Variants in PTPRT observed in about 807,000 individuals in gnomAD.
The protein encoded by PTPRT is receptor-type tyrosine-protein phosphatase T.
A neutral mutation model predicts 176.8 loss-of-function variants in PTPRT; 56 were observed. The ratio of observed to expected loss-of-function variants is 0.32; its 90% CI spans 0.26 to 0.40. The LOEUF is 0.40. Among genes scored for constraint, PTPRT ranks in the 10% least tolerant of loss-of-function variants. PTPRT has a pLI of 1.00. For synonymous variants in PTPRT, 783 were observed against 739.0 expected (o/e 1.06, Z -0.96); for missense variants, 1,540 against 1,908.2 (o/e 0.81, Z 3.60).
intron 19 of PTPRT, among the ~76,000 whole-genome samples, chr20:42,125,901 T>C (rs1987830440): frequency 6.6e-6 from 1 of 152,000 alleles, no homozygotes; most frequent in South Asian, 2.1e-4. Context: ...CCTGTGGTCC[T>C]TAGGGTCATA....
intron 11 of PTPRT, among the ~76,000 whole-genome samples, chr20:42,327,079 G>A (rs1443227291): frequency 8.8e-6 from 1 of 113,774 alleles, no homozygotes; most frequent in Non-Finnish European, 1.7e-5. Flanking sequence ...GACTAGGTAG[G>A]GGTGTGTGTG....
At chr20:42,531,857 C>T (rs567938553) in intron 7 of PTPRT, among the ~76,000 whole-genome samples, 1 of 152,292 alleles carries the variant, frequency 6.6e-6, no homozygotes, top group Non-Finnish European at 1.5e-5. Flanking sequence ...TCTCATTTTA[C>T]TGCAAGGGAA....
chr20:42,687,582 GT>G (rs1569084799), intron 6 of PTPRT: 1 of 152,192 alleles, frequency 6.6e-6, no homozygotes, highest in Non-Finnish European at 1.5e-5. Flanking sequence ...TGAATCAAGA[GT>G]CTGTCACCTC....
At chr20:43,107,349 C>A (rs2012662010) in intron 1 of PTPRT, among the ~76,000 whole-genome samples, 1 of 152,076 alleles carries the variant, frequency 6.6e-6, no homozygotes, top group Admixed American at 6.6e-5. Flanking sequence ...AAGAAAAAGG[C>A]AGCAAGGAAA....
At chr20:42,557,244 T>C (rs1465848437) in intron 7 of PTPRT, among the ~76,000 whole-genome samples, 3 of 152,158 alleles carry the variant, frequency 2.0e-5, no homozygotes, top group Admixed American at 2.0e-4. Flanking sequence ...CAGTTATTAT[T>C]CTAGACCCTA....
chr20:42,982,130 C>T (rs116789545), intron 1 of PTPRT, among the ~76,000 whole-genome samples: 255 of 152,328 alleles, frequency 1.7e-3, no homozygotes, highest in African/African-American at 5.9e-3. Context: ...GAAAGTTTCA[C>T]GCATTCCTGG....
At chr20:42,627,006 C>CCTT (rs78453143) in intron 7 of PTPRT, among the ~76,000 whole-genome samples, 58,048 of 151,970 alleles carry the variant, frequency 0.38, 13,017 homozygotes, top group African/African-American at 0.63. Context: ...TCTCTGATCT[C>CCTT]CTGTAAAGGG....
chr20:43,083,456 G>A (rs2011521879), intron 1 of PTPRT, among the ~76,000 whole-genome samples: 1 of 149,472 alleles, frequency 6.7e-6, no homozygotes, highest in African/African-American at 2.5e-5. Flanking sequence ...TGCCTCCTGG[G>A]TTCAAGCACT....
At chr20:42,881,761 A>AGT (rs1568656776) in intron 2 of PTPRT, among the ~76,000 whole-genome samples, 5 of 151,304 alleles carry the variant, frequency 3.3e-5, no homozygotes, top group African/African-American at 1.2e-4. Flanking sequence ...AGAGAGAGAG[A>AGT]CAACCAAAGA....
intron 1 of PTPRT, among the ~76,000 whole-genome samples, chr20:43,071,632 A>G (rs939295632): frequency 2.6e-5 from 4 of 152,182 alleles, no homozygotes; most frequent in Admixed American, 2.6e-4. Flanking sequence ...CTAAAAATAC[A>G]AAATTAGCTG....
At chr20:43,006,070 G>A (rs947793847) in intron 1 of PTPRT, among the ~76,000 whole-genome samples, 7 of 152,072 alleles carry the variant, frequency 4.6e-5, no homozygotes, top group East Asian at 1.9e-4. Flanking sequence ...AATTCTATAC[G>A]CAAAATAGAG....
chr20:42,558,059 T>C (rs906288726), intron 7 of PTPRT, among the ~76,000 whole-genome samples: 5 of 152,180 alleles, frequency 3.3e-5, no homozygotes, highest in East Asian at 1.9e-4. Context: ...TGGGGGTTTG[T>C]TGTAGAGACC....
chr20:42,187,004 C>T (rs1990808381), intron 16 of PTPRT, among the ~76,000 whole-genome samples: 1 of 152,122 alleles, frequency 6.6e-6, no homozygotes, highest in Non-Finnish European at 1.5e-5. Flanking sequence ...AGTTTTATTT[C>T]ATTTTCAGCC....
intron 12 of PTPRT, among the ~76,000 whole-genome samples, chr20:42,312,103 C>A (rs1473055151): frequency 1.3e-5 from 2 of 152,172 alleles, no homozygotes; most frequent in Admixed American, 1.3e-4. Context: ...ACACTTAGAG[C>A]CATTATTGAG....
Position 42,199,396 on chromosome 20 carries a change from A to G in PTPRT, c.2343-8T>C. ...TGCTTCTTGGCCAGCTTCCTTTGGG[A>G]CATGTGCAAGGGGAAAAAACCACAG... On this transcript the variant is annotated splice_polypyrimidine_tract_variant and splice_region_variant and intron_variant, in intron 15 of 30. Coordinates refer to ENST00000373187, the MANE Select transcript of PTPRT (RefSeq NM_007050.6). 1.2e-6 allele frequency: 2 copies of G among 1,613,122 alleles called. No individual in the cohort carries two copies. Among genetic ancestry groups the G allele is most frequent in the East Asian group, 2.2e-5 (1 of 44,844 alleles).
chr20:42,209,076 G>T (rs781200829), intron 15 of PTPRT, among the ~76,000 whole-genome samples: 2 of 152,078 alleles, frequency 1.3e-5, no homozygotes, highest in Non-Finnish European at 2.9e-5. Flanking sequence ...AAGGCACAAA[G>T]AAAGATGTTC....
chr20:42,337,575 C>A (rs941743746), intron 11 of PTPRT, among the ~76,000 whole-genome samples: 3 of 152,146 alleles, frequency 2.0e-5, no homozygotes, highest in Non-Finnish European at 4.4e-5. Flanking sequence ...GTGTGTATGA[C>A]CCACTCCTTA....
chr20:42,369,084 C>G (rs1472600700), intron 9 of PTPRT, among the ~76,000 whole-genome samples: 3 of 151,514 alleles, frequency 2.0e-5, no homozygotes, highest in Non-Finnish European at 4.4e-5. Context: ...CTCCTTCCCT[C>G]CTTCCTTCCT....
At chr20:42,225,570 T>C (rs1212135734) in intron 15 of PTPRT, among the ~76,000 whole-genome samples, 2 of 152,156 alleles carry the variant, frequency 1.3e-5, no homozygotes, top group Admixed American at 6.5e-5. Context: ...GCTATCAAAT[T>C]AAGTTATGAA....
Sources: gnomAD v4.1 joint callset for allele counts (sites outside exome capture counted in the v4.1 genomes callset) on GRCh38, gnomAD v4.1.1 for gene constraint, MANE v1.5 for transcripts, NCBI Gene and HGNC (gene_info 2026-07-23, HGNC 2026-07-21) for gene names.